The following RDX variants were observed in gnomAD, a reference collection of about 807,000 sequenced individuals.
RDX encodes the protein deafness, autosomal recessive 24.
In RDX, 32 loss-of-function variants were observed where a neutral mutation model predicts 83.7. The ratio of observed to expected loss-of-function variants is 0.38; its 90% CI spans 0.29 to 0.51. The LOEUF is 0.51. Ranked by LOEUF, RDX falls within the 20% of genes least tolerant of loss-of-function variation. The probability of loss-of-function intolerance (pLI) is 0.87; values close to 1 mark genes in which losing one functional copy is unlikely to be tolerated. For synonymous variants in RDX, 229 were observed against 222.7 expected, an observed-to-expected ratio of 1.03 and a Z score of -0.25; for missense variants, 600 against 689.9, an observed-to-expected ratio of 0.87 and a Z score of 1.46.
intron 12 of RDX, among the ~76,000 whole-genome samples, chr11:110,234,628 T>C (rs967603903): frequency 1.1e-4 from 17 of 152,238 alleles, no homozygotes; most frequent in African/African-American, 3.9e-4. Context: ...ATCTGTAATA[T>C]GCTAATTTTT....
chr11:110,273,176 G>A, intron 2 of RDX: 1 of 444,132 alleles, frequency 2.3e-6, no homozygotes, highest in Non-Finnish European at 4.5e-6. Context: ...TTGTACTACT[G>A]AACTTCAGCC....
chr11:110,274,878 A>G (rs1048075313), intron 2 of RDX, among the ~76,000 whole-genome samples: 3 of 152,226 alleles, frequency 2.0e-5, no homozygotes, highest in African/African-American at 7.2e-5. Context: ...TACTGCTATG[A>G]ACATTCTCGT....
At chr11:110,192,172 T>G (rs1863115539) in intron 15 of RDX, among the ~76,000 whole-genome samples, 1 of 152,126 alleles carries the variant, frequency 6.6e-6, no homozygotes, top group East Asian at 1.9e-4. Flanking sequence ...CAGCATGATA[T>G]GAGCATAGAA....
At chr11:110,261,250 T>C (rs769358589) in intron 5 of RDX, among the ~76,000 whole-genome samples, 4 of 152,232 alleles carry the variant, frequency 2.6e-5, no homozygotes, top group Non-Finnish European at 4.4e-5. Flanking sequence ...AATGTATTTT[T>C]TCTTCCACTC....
chr11:110,253,048 G>A (rs1330427036), intron 9 of RDX, among the ~76,000 whole-genome samples: 1 of 152,026 alleles, frequency 6.6e-6, no homozygotes, highest in Non-Finnish European at 1.5e-5. Context: ...GAGTTAATAT[G>A]ACAAAATAGG....
intron 3 of RDX, among the ~76,000 whole-genome samples, chr11:110,265,109 G>GTTTTTTTTTTTTTTT (rs71053876): frequency 1.2e-4 from 11 of 90,692 alleles, no homozygotes; most frequent in South Asian, 3.8e-4. Flanking sequence ...TTTTTTTTTT[G>GTTTTTTTTTTTTTTT]TTTTTTTTTT....
chr11:110,220,750 G>A (rs914721314), intron 14 of RDX, among the ~76,000 whole-genome samples: 1 of 151,926 alleles, frequency 6.6e-6, no homozygotes, highest in Admixed American at 6.6e-5. Context: ...CACCCACCTT[G>A]GCCTCCCAAA....
intron 14 of RDX, among the ~76,000 whole-genome samples, chr11:110,215,401 TAAATAAATAA>T (rs1864011357): frequency 8.9e-6 from 1 of 112,442 alleles, no homozygotes; most frequent in African/African-American, 3.3e-5. Flanking sequence ...AATAAATAAA[TAAATAAATAA>T]AATAATAATA....
intron 14 of RDX, among the ~76,000 whole-genome samples, chr11:110,220,296 T>C (rs950640557): frequency 6.6e-6 from 1 of 152,216 alleles, no homozygotes; most frequent in South Asian, 2.1e-4. Flanking sequence ...ATTTCCAATA[T>C]GCCAAGGCTG....
At chr11:110,272,429 G>T in intron 3 of RDX, 107 bp downstream of exon 3, 1 of 757,000 alleles carries the variant, frequency 1.3e-6, no homozygotes, top group Non-Finnish European at 2.3e-6. Flanking sequence ...AATTCCAAGT[G>T]GTACACTGTT....
At chr11:110,212,783 C>T (rs1321072769) in intron 14 of RDX, among the ~76,000 whole-genome samples, 2 of 142,912 alleles carry the variant, frequency 1.4e-5, no homozygotes, top group African/African-American at 5.4e-5. Context: ...CAAAATTCAA[C>T]AACGCTTCAT....
chr11:110,262,170 A>C (rs1565321352), intron 5 of RDX, among the ~76,000 whole-genome samples: 1 of 152,242 alleles, frequency 6.6e-6, no homozygotes, highest in African/African-American at 2.4e-5. Flanking sequence ...CCAGAATATA[A>C]ACAGACTATC....
intron 15 of RDX, among the ~76,000 whole-genome samples, chr11:110,186,048 G>A (rs1329952247): frequency 2.6e-5 from 4 of 152,314 alleles, no homozygotes; most frequent in Admixed American, 1.3e-4. Context: ...TAGCTTCCCC[G>A]CTTTGTGTTG....
At chr11:110,216,110 T>C (rs1864041660) in intron 14 of RDX, among the ~76,000 whole-genome samples, 2 of 152,220 alleles carry the variant, frequency 1.3e-5, no homozygotes, top group Admixed American at 6.5e-5. Context: ...CTAGATCTTG[T>C]AGGCTTCTCA....
rs1230342182 is a variant in RDX at position 110,231,591 on chromosome 11, T to A, written c.*278A>T. The A allele has an allele frequency of 4.4e-6, 2 of 454,936 alleles. No homozygotes were observed. Among genetic ancestry groups the A allele is most frequent in the South Asian group, 2.3e-5 (1 of 43,112 alleles). 28.2% of individuals were successfully genotyped at this position (454,936 alleles called of 1,614,324 possible). A position where few individuals can be genotyped will look rare whatever the true frequency, so the allele number is the denominator to read the frequency against. On this transcript the variant is annotated 3_prime_UTR_variant, in exon 14 of 14. Coordinates refer to ENST00000645495, the MANE Select transcript of RDX (RefSeq NM_002906.4). The stretch of plus-strand genomic sequence containing the variant: ...TGTCAGACGTGATAATTAGTGTTAA[T>A]CTTCAACAGAAAAAAAAAAGAAAAA...
rs1373856506 is a variant in RDX, at chr11:110,265,108, TG to T, written c.97-235del. Among the ~76,000 whole-genome samples the T allele has an allele frequency of 1.6e-3, 137 of 83,330 alleles. 2 individuals carry two copies. Among genetic ancestry groups the T allele is most frequent in the African/African-American group, 4.3e-3 (127 of 29,652 alleles). The allele number at this position is 83,330 out of a possible 152,430, so 54.7% of individuals were successfully genotyped here. ...TTTTTTGAAAAGAAGTTTTTTTTTT[TG>T]TTTTTTTTTTTTTTGTTCTTGTCAC... On this transcript the variant is annotated intron_variant, in intron 3 of 13. Transcript: ENST00000645495.
Position 110,180,252 on chromosome 11 carries a change from T to C in RDX, c.*32-5018A>G, listed in dbSNP as rs144323624. Among the ~76,000 whole-genome samples, 1,334 of 152,204 alleles carry C rather than the reference T, an allele frequency of 8.8e-3. 23 individuals are homozygous for C. Among genetic ancestry groups the C allele is most frequent in the Admixed American group, 9.9e-3 (151 of 15,294 alleles). ...ATTGAGTTGCAAAAGTGAAATTGAC[T>C]GTGTAGATCTGCCTTGTCCTTCAGC... is the stretch of plus-strand genomic sequence containing the variant. On this transcript the variant is annotated intron_variant, in intron 15 of 15. Transcript: ENST00000528498.
chr11:110,295,725 G>A (rs1042110648), intron 1 of RDX, among the ~76,000 whole-genome samples: 1 of 151,628 alleles, frequency 6.6e-6, no homozygotes, highest in Non-Finnish European at 1.5e-5. Flanking sequence ...AAGGAAAAGA[G>A]GGATATCATG....
intron 3 of RDX, among the ~76,000 whole-genome samples, chr11:110,267,069 A>AT (rs1322937292): frequency 6.6e-6 from 1 of 151,622 alleles, no homozygotes; most frequent in Non-Finnish European, 1.5e-5. Context: ...AACCTAGCTA[A>AT]TTTTTTATAT....
Sources: gnomAD v4.1 joint callset for allele counts (sites outside exome capture counted in the v4.1 genomes callset) on GRCh38, gnomAD v4.1.1 for gene constraint, MANE v1.5 for transcripts, NCBI Gene and HGNC (gene_info 2026-07-23, HGNC 2026-07-21) for gene names.